LRIG3: variants seen among roughly 807,000 people sequenced by gnomAD.
LRIG3 encodes the protein leucine rich repeats and immunoglobulin like domains 3.
Under a neutral mutation model 114.5 loss-of-function variants are expected in LRIG3, and 76 were observed. The ratio of observed to expected loss-of-function variants is 0.66; its 90% CI spans 0.55 to 0.80. The LOEUF (loss-of-function observed/expected upper bound fraction) is 0.80, where lower values mean the gene tolerates loss of function less well. LRIG3 is among the 30% of genes least tolerant of loss of function. LRIG3 has a pLI of 0.00. For missense variants in LRIG3, 1,239 were observed against 1,382.8 expected (o/e 0.90, Z 1.65); for synonymous variants, 512 against 519.8 (o/e 0.98, Z 0.20).
chr12:58,919,642 G>GTTCTC, intron 1 of LRIG3: 1 of 1,427,160 alleles, frequency 7.0e-7, no homozygotes, highest in Non-Finnish European at 9.3e-7. Flanking sequence ...GATGTGTGCA[G>GTTCTC]GTTGCCGCTT....
rs79738262 is a variant in LRIG3 at position 58,884,575 on chromosome 12, G to A, written c.1245-984C>T. 8.1e-4 allele frequency among the ~76,000 whole-genome samples: 123 copies of A among 152,224 alleles called. 2 individuals are homozygous for A. In the East Asian group the frequency reaches 0.021, roughly 26 times the overall value. ...GGCTAGTTTTCTTTTCAAAATAATC[G>A]GTTTCAATAAATACTGCAATGTTGG... On this transcript the variant is annotated intron_variant, in intron 10 of 18. Transcript: ENST00000320743.
chr12:58,872,921 G>C, intron 18 of LRIG3, 105 bp from the exon 19 acceptor site: 1 of 1,459,734 alleles, frequency 6.9e-7, no homozygotes, highest in Non-Finnish European at 9.2e-7. Context: ...ATATGAGTAA[G>C]TGTTTTCTAC....
In LRIG3 at chr12:58,887,887, G is replaced by A. The variant is rs148066633; in HGVS notation, c.993C>T (p.Phe331=). 1 of 1,613,836 alleles carries A rather than the reference G, an allele frequency of 6.2e-7. No individual in the cohort carries two copies. The highest frequency in any genetic ancestry group is 8.5e-7 in the Non-Finnish European group (1 of 1,179,792). ...GTGTATTTAGTAAGCTTAGGCCAAG[G>A]AAGCTTGAATCATCTAACCTTGATA... is the stretch of plus-strand genomic sequence containing the variant. ...NHLSRLDDSS[F]LGLSLLNTLH... Residue 331 remains phenylalanine (F), a synonymous_variant, in exon 8 of 19, where the codon TTC becomes TTT. Transcript: ENST00000320743.
chr12:58,876,407 C>T (rs1451214234), intron 16 of LRIG3, 38 bp downstream of exon 16: 6 of 1,603,160 alleles, frequency 3.7e-6, no homozygotes, highest in Non-Finnish European at 5.1e-6. Flanking sequence ...CATATGACTT[C>T]AAAACAATTA....
At chr12:58,888,015 T>A in intron 7 of LRIG3, 83 bp from the exon 8 acceptor site, 1 of 1,187,450 alleles carries the variant, frequency 8.4e-7, no homozygotes. Flanking sequence ...AGGTACTGTA[T>A]GAGCTACACT....
At chr12:58,877,074 CAG>C (rs1870947051) in intron 15 of LRIG3, among the ~76,000 whole-genome samples, 1 of 152,204 alleles carries the variant, frequency 6.6e-6, no homozygotes, top group Admixed American at 6.5e-5. Context: ...ACAACTACTG[CAG>C]AGAGTAAACC....
intron 3 of LRIG3, 64 bp downstream of exon 3, chr12:58,913,918 C>T: frequency 7.3e-7 from 1 of 1,379,070 alleles, no homozygotes; most frequent in Non-Finnish European, 1.0e-6. Flanking sequence ...ATGCTAGTCC[C>T]TATGGAACTC....
At chr12:58,884,144 A>G (rs1260010254) in intron 10 of LRIG3, among the ~76,000 whole-genome samples, 1 of 152,222 alleles carries the variant, frequency 6.6e-6, no homozygotes, top group Non-Finnish European at 1.5e-5. Flanking sequence ...TGTGCTTTTA[A>G]CCATTAACCT....
chr12:58,890,852 A>C (rs1372914787), intron 3 of LRIG3, 56 bp from the exon 4 acceptor site: 2 of 1,532,120 alleles, frequency 1.3e-6, no homozygotes, highest in African/African-American at 1.4e-5. Flanking sequence ...ATCTGAAAGA[A>C]GAAAAATATT....
At chr12:58,903,482 T>A (rs561393649) in intron 3 of LRIG3, among the ~76,000 whole-genome samples, 1 of 152,122 alleles carries the variant, frequency 6.6e-6, no homozygotes, top group Non-Finnish European at 1.5e-5. Context: ...GTCAGATGAG[T>A]AGGTTGCAAA....
At chr12:58,891,581 T>C (rs1234510643) in intron 3 of LRIG3, among the ~76,000 whole-genome samples, 2 of 152,180 alleles carry the variant, frequency 1.3e-5, no homozygotes, top group Admixed American at 1.3e-4. Context: ...CCAATGAATT[T>C]AAAATACTTG....
chr12:58,878,722 TCTTCATCTCTTACTCTCACAACTTC>T, intron 14 of LRIG3, 77 bp downstream of exon 14: 2 of 1,348,422 alleles, frequency 1.5e-6, no homozygotes, highest in Middle Eastern at 1.9e-4. Context: ...GCCCCATACA[TCTTCATCTCTTACTCTCACAACTTC>T]TGATACTTAG....
At chr12:58,895,692 C>T (rs1871616014) in intron 3 of LRIG3, among the ~76,000 whole-genome samples, 1 of 152,146 alleles carries the variant, frequency 6.6e-6, no homozygotes, top group Admixed American at 6.6e-5. Flanking sequence ...ATCACATGTA[C>T]ATTTTAGAAT....
At position 58,920,418 on chromosome 12, in the gene LRIG3, A is replaced by C; in HGVS notation, c.-183T>G. 1 of 426,242 alleles carries C rather than the reference A, an allele frequency of 2.3e-6. No homozygotes were observed. Among genetic ancestry groups the C allele is most frequent in the African/African-American group, 2.1e-5 (1 of 48,456 alleles). 26.4% of individuals were successfully genotyped at this position (426,242 alleles called of 1,614,324 possible). A position where few individuals can be genotyped will look rare whatever the true frequency, so the allele number is the denominator to read the frequency against. ...GCGAAGCCCTTTCATGCCCCCAAAC[A>C]GCAGGAGGGAAACCGAAAAGAACTG... On this transcript the variant is annotated 5_prime_UTR_variant, in exon 1 of 19. Coordinates refer to ENST00000320743, the MANE Select transcript of LRIG3 (RefSeq NM_153377.5).
intron 7 of LRIG3, 150 bp from the exon 8 acceptor site, chr12:58,888,082 G>A (rs1871334830): frequency 2.5e-6 from 2 of 815,574 alleles, no homozygotes; most frequent in Admixed American, 3.0e-5. Context: ...TCTAATATCA[G>A]TAATTAAAAA....
At position 58,885,811 on chromosome 12, in the gene LRIG3, A is replaced by G. The variant is rs1871257958; in HGVS notation, c.1244+20T>C. On this transcript the variant is annotated intron_variant, in intron 10 of 18. Coordinates refer to ENST00000320743, the MANE Select transcript of LRIG3 (RefSeq NM_153377.5). ...ATCTTAGAGATTCTCTTTTAGGGTA[A>G]CTAAATTCTAGCTACTCACAGATGC... 2 of 1,519,028 alleles carry G rather than the reference A, an allele frequency of 1.3e-6. No homozygotes were observed. Among genetic ancestry groups the G allele is most frequent in the African/African-American group, 1.4e-5 (1 of 72,310 alleles). 94.1% of individuals were successfully genotyped at this position (1,519,028 alleles called of 1,614,324 possible).
chr12:58,874,534 T>C lies in LRIG3; in HGVS notation c.2735A>G (p.Glu912Gly), dbSNP rs1870852183. Residue 912 changes from glutamate to glycine, a missense_variant, in exon 17 of 19, where the codon GAA becomes GGA. Physicochemically the swap from Glu to Gly is moderately conservative, Grantham distance 98. Transcript: ENST00000320743. Reference protein sequence around the residue: ...HIDNSSEADVEAATDLFLCPF... With the variant: ...HIDNSSEADVGAATDLFLCPF... ...ACAAAGGAACAGATCTGTGGCAGCT[T>C]CCACATCAGCTTCACTGCTATTGTC... 6.2e-7 allele frequency: 1 copy of C among 1,614,086 alleles called. No individual in the cohort carries two copies. The highest frequency in any genetic ancestry group is 1.1e-5 in the South Asian group (1 of 91,088).
intron 13 of LRIG3, chr12:58,880,299 C>CAAAAA: frequency 1.5e-5 from 5 of 339,740 alleles, no homozygotes; most frequent in Non-Finnish European, 2.1e-5. Flanking sequence ...GATTCCGTCT[C>CAAAAA]AAAAAAAAAA....
chr12:58,898,238 T>C (rs1001171125), intron 3 of LRIG3, among the ~76,000 whole-genome samples: 1 of 152,250 alleles, frequency 6.6e-6, no homozygotes, highest in African/African-American at 2.4e-5. Flanking sequence ...ATTCTATTCC[T>C]GGTTCTGTGT....
Sources: gnomAD v4.1 joint callset for allele counts (sites outside exome capture counted in the v4.1 genomes callset) on GRCh38, gnomAD v4.1.1 for gene constraint, MANE v1.5 for transcripts, NCBI Gene and HGNC (gene_info 2026-07-23, HGNC 2026-07-21) for gene names.